Variants in ACSL3 observed in about 807,000 individuals in gnomAD.
ACSL3 encodes the protein fatty acid CoA ligase Acsl3.
ACSL3 carries 34 observed loss-of-function variants against 84.7 expected under a neutral mutation model. That is an observed-to-expected ratio of 0.40 (90% CI 0.31 to 0.53). The LOEUF (loss-of-function observed/expected upper bound fraction) is 0.53, where lower values mean the gene tolerates loss of function less well. Ranked by LOEUF, ACSL3 falls within the 20% of genes least tolerant of loss-of-function variation. The probability of loss-of-function intolerance (pLI) is 0.48; values close to 1 mark genes in which losing one functional copy is unlikely to be tolerated. For synonymous variants in ACSL3, 315 were observed against 299.4 expected (o/e 1.05, Z -0.54); for missense variants, 680 against 873.1 (o/e 0.78, Z 2.79).
chr2:222,862,413 G>C (rs1407879903), intron 1 of ACSL3, among the ~76,000 whole-genome samples: 1 of 152,182 alleles, frequency 6.6e-6, no homozygotes, highest in Non-Finnish European at 1.5e-5. Context: ...TTCCACAGTG[G>C]ATTTTAGTCT....
intron 4 of ACSL3, among the ~76,000 whole-genome samples, chr2:222,912,499 G>T (rs775251976): frequency 5.3e-5 from 8 of 152,174 alleles, no homozygotes; most frequent in Non-Finnish European, 1.0e-4. Flanking sequence ...CATATTTGAA[G>T]ATAATCTTCA....
rs553727147 is a variant in ACSL3, at chr2:222,901,515, T to C, written c.-41+735T>C. ...CATCCAAGTTTGTTCTTTTTCAAGA[T>C]TGTTTGGCTGTTCTGGGTGCTTTTA... On this transcript the variant is annotated intron_variant, in intron 3 of 16. Coordinates refer to ENST00000357430, the MANE Select transcript of ACSL3 (RefSeq NM_004457.5). Among the ~76,000 whole-genome samples, 26 of 152,090 alleles carry C rather than the reference T, an allele frequency of 1.7e-4. No homozygotes were observed. In the South Asian group the frequency reaches 5.2e-3, roughly 30 times the overall value.
At chr2:222,898,996 A>G (rs1696066771) in intron 2 of ACSL3, among the ~76,000 whole-genome samples, 1 of 152,188 alleles carries the variant, frequency 6.6e-6, no homozygotes, top group Non-Finnish European at 1.5e-5. Context: ...TGAAGAGGAC[A>G]TTTTGTCTAT....
At chr2:222,879,982 C>T (rs1357490113) in intron 1 of ACSL3, among the ~76,000 whole-genome samples, 2 of 151,026 alleles carry the variant, frequency 1.3e-5, no homozygotes, top group African/African-American at 4.9e-5. Flanking sequence ...GGATCTGCTT[C>T]TCATCTTTCC....
chr2:222,927,723 G>T (rs2053888396), intron 12 of ACSL3, among the ~76,000 whole-genome samples: 1 of 152,132 alleles, frequency 6.6e-6, no homozygotes, highest in African/African-American at 2.4e-5. Flanking sequence ...ATCGCATAGG[G>T]CCTCATGCGT....
chr2:222,866,140 C>T (rs572107282), intron 1 of ACSL3, among the ~76,000 whole-genome samples: 1 of 151,970 alleles, frequency 6.6e-6, no homozygotes, highest in East Asian at 1.9e-4. Flanking sequence ...CTCAGCCTTG[C>T]AAAATAGGTA....
At position 222,943,278 on chromosome 2, in the gene ACSL3, G is replaced by A. The variant is rs1364346335; in HGVS notation, c.*1624G>A. ...TGTATATTTGTATTATGTTTTGAAT[G>A]CTTTTCTCTTTTCATAATTAAATAT... is the stretch of plus-strand genomic sequence containing the variant. On this transcript the variant is annotated 3_prime_UTR_variant, in exon 17 of 17. Coordinates refer to ENST00000357430, the MANE Select transcript of ACSL3 (RefSeq NM_004457.5). 1.5e-5 allele frequency: 3 copies of A among 201,422 alleles called. No homozygotes were observed. Among genetic ancestry groups the A allele is most frequent in the Admixed American group, 6.0e-5 (1 of 16,638 alleles). 12.5% of individuals were successfully genotyped at this position (201,422 alleles called of 1,614,324 possible). A position where few individuals can be genotyped will look rare whatever the true frequency, so the allele number is the denominator to read the frequency against.
intron 1 of ACSL3, chr2:222,861,774 T>G (rs1695019969): frequency 6.6e-6 from 1 of 152,316 alleles, no homozygotes; most frequent in South Asian, 2.1e-4. Flanking sequence ...TGGTGATTGG[T>G]TCTGGGCACT....
At chr2:222,865,111 C>A (rs1574510380) in intron 1 of ACSL3, among the ~76,000 whole-genome samples, 1 of 152,106 alleles carries the variant, frequency 6.6e-6, no homozygotes, top group African/African-American at 2.4e-5. Flanking sequence ...AATGTTAAAT[C>A]CTGTGGTGCC....
chr2:222,941,268 G>A (rs1232491202), intron 16 of ACSL3, among the ~76,000 whole-genome samples: 3 of 151,986 alleles, frequency 2.0e-5, no homozygotes, highest in South Asian at 2.1e-4. Context: ...ATTCTATTTT[G>A]TTCCTATATC....
intron 7 of ACSL3, among the ~76,000 whole-genome samples, chr2:222,919,964 G>T (rs1041879456): frequency 1.3e-5 from 2 of 152,190 alleles, no homozygotes; most frequent in African/African-American, 4.8e-5. Flanking sequence ...GGAGTAGGGG[G>T]TGAGGTCACC....
intron 1 of ACSL3, among the ~76,000 whole-genome samples, chr2:222,877,245 T>C (rs1695472391): frequency 6.6e-6 from 1 of 152,184 alleles, no homozygotes; most frequent in African/African-American, 2.4e-5. Flanking sequence ...GGACTGGTTA[T>C]GGTTAAGAGT....
intron 1 of ACSL3, among the ~76,000 whole-genome samples, chr2:222,883,664 G>T (rs551379689): frequency 6.6e-6 from 1 of 150,554 alleles, no homozygotes; most frequent in South Asian, 2.1e-4. Flanking sequence ...AGGAATTTCT[G>T]CTTGCAAAAT....
At chr2:222,928,596 G>A (rs1013961468) in intron 12 of ACSL3, among the ~76,000 whole-genome samples, 4 of 150,096 alleles carry the variant, frequency 2.7e-5, no homozygotes, top group South Asian at 4.3e-4. Flanking sequence ...TGTTGCTGGC[G>A]ATTCCACACT....
At chr2:222,909,821 C>G (rs1048243621) in intron 4 of ACSL3, 1 of 152,280 alleles carries the variant, frequency 6.6e-6, no homozygotes, top group Non-Finnish European at 1.5e-5. Flanking sequence ...CCAAGCTGTT[C>G]TAAGAGCTTT....
At chr2:222,930,477 A>G (rs1696999139) in intron 13 of ACSL3, 144 bp from the exon 14 acceptor site, 2 of 596,676 alleles carry the variant, frequency 3.4e-6, no homozygotes, top group Admixed American at 6.9e-5. Flanking sequence ...AAATTGATAA[A>G]CTTTGTTCAT....
intron 3 of ACSL3, among the ~76,000 whole-genome samples, chr2:222,901,964 A>AAAAAAAAAAAAAAAGGAATG (rs57522671): frequency 1.0e-5 from 1 of 99,456 alleles, no homozygotes; most frequent in African/African-American, 4.1e-5. Context: ...AAAAAAAAAA[A>AAAAAAAAAAAAAAAGGAATG]GAACTCAAAT....
intron 12 of ACSL3, 43 bp downstream of exon 12, chr2:222,927,232 G>C (rs377712865): frequency 1.9e-6 from 3 of 1,591,030 alleles, no homozygotes; most frequent in African/African-American, 2.7e-5. Context: ...GATGCCAGAC[G>C]TTTTTTTGGG....
intron 4 of ACSL3, among the ~76,000 whole-genome samples, chr2:222,914,222 GGTGTGTGTGTACGT>G (rs1484954112): frequency 4.6e-4 from 67 of 145,226 alleles, no homozygotes; most frequent in African/African-American, 1.7e-3. Context: ...AAGGGTGGAA[GGTGTGTGTGTACGT>G]GTGTGTGTGT....
Sources: allele counts gnomAD v4.1 joint callset (sites outside exome capture counted in the v4.1 genomes callset), GRCh38; gene constraint gnomAD v4.1.1; transcripts MANE v1.5; gene names NCBI Gene and HGNC (gene_info 2026-07-23, HGNC 2026-07-21).